Variants in ART3 observed in about 807,000 individuals in gnomAD.
The protein encoded by ART3 is ADP-ribosyltransferase 3 (inactive).
A neutral mutation model predicts 48.5 loss-of-function variants in ART3; 49 were observed. The observed-to-expected ratio is 1.01, with a 90% CI of 0.80 to 1.28. The LOEUF (loss-of-function observed/expected upper bound fraction) is 1.28, where lower values mean the gene tolerates loss of function less well. Among genes scored for constraint, ART3 ranks in the 50% most tolerant of loss-of-function variants. The pLI, the probability that ART3 is intolerant of heterozygous loss-of-function variation, is 0.00. For missense variants in ART3, 438 were observed against 454.3 expected (o/e 0.96, Z 0.33); for synonymous variants, 145 against 157.2 (o/e 0.92, Z 0.58).
chr4:76,014,190 A>C (rs998592536), intron 1 of ART3, among the ~76,000 whole-genome samples: 2 of 152,192 alleles, frequency 1.3e-5, no homozygotes, highest in African/African-American at 4.8e-5. Context: ...AGAGGTAATT[A>C]AGTTAAGGTG....
At chr4:76,103,349 G>A (rs1339642957) in intron 8 of ART3, among the ~76,000 whole-genome samples, 4 of 151,732 alleles carry the variant, frequency 2.6e-5, no homozygotes, top group South Asian at 2.1e-4. Context: ...GCGACTCAGC[G>A]AGACCCTGTC....
intron 1 of ART3, among the ~76,000 whole-genome samples, chr4:76,062,667 T>G (rs1719351921): frequency 6.7e-6 from 1 of 148,604 alleles, no homozygotes; most frequent in East Asian, 2.0e-4. Context: ...TTCACGCCAT[T>G]CTTCTGCCTC....
intron 2 of ART3, among the ~76,000 whole-genome samples, chr4:76,078,773 G>A (rs996162456): frequency 6.6e-6 from 1 of 152,122 alleles, no homozygotes; most frequent in African/African-American, 2.4e-5. Context: ...AGAGGCAACA[G>A]AACAGTTTGG....
chr4:76,082,763 C>A (rs939154956), intron 3 of ART3, among the ~76,000 whole-genome samples: 1 of 152,090 alleles, frequency 6.6e-6, no homozygotes, highest in Admixed American at 6.6e-5. Flanking sequence ...TGGTTCTTAA[C>A]CAAAGGCAGT....
In ART3 at chr4:76,075,943, A is replaced by T; in HGVS notation, c.54A>T (p.Leu18=). The part of the protein sequence containing the change: ...IVTMLLATMI[L]VDIFQVKAEV... ...CCATGCTGCTGGCAACCATGATTCT[A>T]GTGGACATTTTCCAGGTAATGTTGG... The change falls in exon 2 of 12, where the codon CTA becomes CTT. Residue 18 remains leucine (L), a synonymous_variant. Coordinates refer to ENST00000355810, the MANE Select transcript of ART3 (RefSeq NM_001130016.3). 6.2e-7 allele frequency: 1 copy of T among 1,611,526 alleles called. No homozygotes were observed. The highest frequency in any genetic ancestry group is 1.7e-5 in the Admixed American group (1 of 59,884).
chr4:76,026,104 A>G (rs1447718730), intron 1 of ART3, among the ~76,000 whole-genome samples: 7 of 150,368 alleles, frequency 4.7e-5, no homozygotes, highest in Non-Finnish European at 5.9e-5. Context: ...AACCACTACA[A>G]TCCAGTCAGT....
intron 10 of ART3, chr4:76,106,204 C>T: frequency 1.0e-6 from 1 of 985,446 alleles, no homozygotes; most frequent in Non-Finnish European, 1.2e-6. Flanking sequence ...TTGTGCTACA[C>T]TTGTCTTCCA....
chr4:76,098,075 A>G (rs1225879710), intron 4 of ART3, among the ~76,000 whole-genome samples: 1 of 152,190 alleles, frequency 6.6e-6, no homozygotes, highest in Non-Finnish European at 1.5e-5. Context: ...TTATCTTAGG[A>G]AATAACATTT....
At chr4:76,046,731 C>A (rs1456908597) in intron 1 of ART3, among the ~76,000 whole-genome samples, 1 of 151,950 alleles carries the variant, frequency 6.6e-6, no homozygotes, top group Non-Finnish European at 1.5e-5. Flanking sequence ...GCTAATATAT[C>A]CCTCCTTAAT....
At position 76,025,950 on chromosome 4, in the gene ART3, C is replaced by T. The variant is rs368970255; in HGVS notation, c.-10+14630C>T. On this transcript the variant is annotated intron_variant, in intron 1 of 9. Coordinates refer to the ART3 transcript ENST00000341029. ...TCACTTACTTTTTTTATTTAAAAAA[C>T]GTAAGTGATCACGTCACTCTTCTGC... 1.5e-3 allele frequency among the ~76,000 whole-genome samples: 228 copies of T among 152,050 alleles called. 1 individual carries two copies. The highest frequency in any genetic ancestry group is 5.2e-3 in the African/African-American group (217 of 41,460).
At position 76,092,615 on chromosome 4, in the gene ART3, A is replaced by AT. The variant is rs1254675148; in HGVS notation, c.782-5020dup. 9.5e-4 allele frequency among the ~76,000 whole-genome samples: 141 copies of AT among 149,082 alleles called. 1 individual carries two copies. The highest frequency in any genetic ancestry group is 2.7e-3 in the African/African-American group (109 of 40,674). On this transcript the variant is annotated intron_variant, in intron 3 of 11. Transcript: ENST00000355810. ...TTTGATTATGATGTAACTTAGTGTC[A>AT]TTTTTTTTTCATGTATCTTGTGCTT...
intron 1 of ART3, among the ~76,000 whole-genome samples, chr4:76,020,180 G>T (rs1732664310): frequency 6.6e-6 from 1 of 150,914 alleles, no homozygotes; most frequent in Non-Finnish European, 1.5e-5. Context: ...AAGCTGGAGT[G>T]CAGTGGTGCA....
chr4:76,035,852 A>G, intron 1 of ART3: 8 of 1,312,352 alleles, frequency 6.1e-6, no homozygotes, highest in Non-Finnish European at 8.7e-6. Flanking sequence ...GTCTTTTAGG[A>G]TAAAAGTGGA....
intron 1 of ART3, among the ~76,000 whole-genome samples, chr4:76,059,085 T>G (rs1718941336): frequency 6.6e-6 from 1 of 152,170 alleles, no homozygotes; most frequent in African/African-American, 2.4e-5. Context: ...TGTTTACACA[T>G]CCAGTTAGGT....
intron 10 of ART3, chr4:76,107,547 G>A: frequency 5.5e-6 from 2 of 364,362 alleles, no homozygotes; most frequent in Non-Finnish European, 5.0e-6. Flanking sequence ...TTATTTTTAT[G>A]TAAACACATA....
upstream of ART3, among the ~76,000 whole-genome samples, chr4:76,070,629 C>T (rs536851631): frequency 6.6e-6 from 1 of 152,312 alleles, no homozygotes; most frequent in African/African-American, 2.4e-5. Flanking sequence ...ATACAACCAT[C>T]TTAAGTGATT....
chr4:76,095,932 T>C (rs543630490), intron 3 of ART3, among the ~76,000 whole-genome samples: 1 of 152,276 alleles, frequency 6.6e-6, no homozygotes, highest in Non-Finnish European at 1.5e-5. Flanking sequence ...CATTTTTTTT[T>C]TTCTTTTGAG....
In ART3 at chr4:76,077,891, C is replaced by T. The variant is rs113357840; in HGVS notation, c.69+1933C>T. On this transcript the variant is annotated intron_variant, in intron 2 of 11. Transcript: ENST00000355810. ...TTGGTTTTTCATCATTTATAGCCATCGTAGAGGATATGAAGTGGTATTTCA... is the reference window on the plus strand; with the variant it reads ...TTGGTTTTTCATCATTTATAGCCATTGTAGAGGATATGAAGTGGTATTTCA... Among the ~76,000 whole-genome samples, 903 of 152,224 alleles carry T rather than the reference C, an allele frequency of 5.9e-3. 6 individuals carry two copies. The highest frequency in any genetic ancestry group is 0.051 in the Middle Eastern group (15 of 294).
chr4:76,034,076 T>G (rs7436646), intron 1 of ART3: 106,466 of 177,140 alleles, frequency 0.6, 33,403 homozygotes, highest in East Asian at 0.93. Flanking sequence ...TATGTGCACT[T>G]TTGCCAGTAT....
Sources: allele counts gnomAD v4.1 joint callset (sites outside exome capture counted in the v4.1 genomes callset), GRCh38; gene constraint gnomAD v4.1.1; transcripts MANE v1.5; gene names NCBI Gene and HGNC (gene_info 2026-07-23, HGNC 2026-07-21).